Variants in RTN3 observed in about 807,000 individuals in gnomAD.
RTN3 encodes reticulon 3.
RTN3 carries 49 observed loss-of-function variants against 77.8 expected under a neutral mutation model. The observed-to-expected ratio is 0.63, with a 90% CI of 0.50 to 0.80. The LOEUF is 0.80. RTN3 is among the 30% of genes least tolerant of loss of function. RTN3 has a pLI of 0.00. For synonymous variants in RTN3, 464 were observed against 446.9 expected (o/e 1.04, Z -0.48); for missense variants, 1,236 against 1,211.9 (o/e 1.02, Z -0.29).
chr11:63,721,450 C>G (rs969116969), intron 3 of RTN3, among the ~76,000 whole-genome samples: 6 of 151,798 alleles, frequency 4.0e-5, no homozygotes, highest in Non-Finnish European at 5.9e-5. Context: ...TGGCGGGCGC[C>G]TGTAGTCCCA....
At chr11:63,702,994 C>A (rs908098609) in intron 1 of RTN3, among the ~76,000 whole-genome samples, 1 of 151,984 alleles carries the variant, frequency 6.6e-6, no homozygotes, top group African/African-American at 2.4e-5. Flanking sequence ...CTGCACTTTG[C>A]TTTTTGAGTT....
chr11:63,719,119 C>G lies in RTN3; in HGVS notation c.617C>G (p.Thr206Ser). ...GCATTGGATGCTGATGACAGATTCA[C>G]TTTGCTGACAGCCCAGAAACCACCT... The part of the protein sequence containing the change: ...KTALDADDRF[T>S]LLTAQKPPTE... Residue 206 changes from threonine (T) to serine (S), a missense_variant, in exon 3 of 9, where the codon ACT becomes AGT. Thr to Ser is a moderately conservative substitution (Grantham distance 58). This residue lies in a region of RTN3 where 1,056 missense variants were observed against 990.4 expected (regional missense o/e 1.07). Transcript: ENST00000377819. The G allele has an allele frequency of 6.2e-7, 1 of 1,614,190 alleles. No homozygotes were observed. The highest frequency in any genetic ancestry group is 8.5e-7 in the Non-Finnish European group (1 of 1,180,042).
At chr11:63,696,143 T>A (rs693205) in intron 1 of RTN3, among the ~76,000 whole-genome samples, 1 of 149,522 alleles carries the variant, frequency 6.7e-6, no homozygotes, top group Admixed American at 6.7e-5. Flanking sequence ...AGGCCGGGCC[T>A]GGTGGCTCAT....
rs552476256 is a variant in RTN3, at chr11:63,720,345, G to A, written c.1843G>A (p.Val615Met). ...TGAGAACCCCAAACTTCCTTCAACA[G>A]TGTCTCCAAATGTTTTTAATGAGAC... ...TTENPKLPST[V>M]SPNVFNETEF... The change falls in exon 3 of 9, where the codon GTG (valine) becomes ATG (methionine). Residue 615 changes from valine (V) to methionine (M), a missense_variant. Val to Met is a conservative substitution (Grantham distance 21). Around this residue, in one of 3 missense-constraint regions of RTN3, gnomAD observed 1,056 missense variants for 990.4 expected, o/e 1.07. Transcript: ENST00000377819. The A allele has an allele frequency of 1.9e-6, 3 of 1,614,054 alleles. No homozygotes were observed. In the South Asian group the frequency reaches 3.3e-5, roughly 18 times the overall value.
chr11:63,727,433 CTTGTA>C (rs1205933726), intron 3 of RTN3, among the ~76,000 whole-genome samples: 1 of 152,064 alleles, frequency 6.6e-6, no homozygotes, highest in Non-Finnish European at 1.5e-5. Context: ...GGGAAATATT[CTTGTA>C]TTGAATAAAA....
chr11:63,727,705 G>C (rs992333103), intron 3 of RTN3, among the ~76,000 whole-genome samples: 3 of 152,092 alleles, frequency 2.0e-5, no homozygotes, highest in African/African-American at 7.2e-5. Flanking sequence ...AGTGGCTCAC[G>C]TCTGTAATCC....
chr11:63,737,040 T>C (rs2013171567), intron 3 of RTN3, among the ~76,000 whole-genome samples: 1 of 150,620 alleles, frequency 6.6e-6, no homozygotes, highest in African/African-American at 2.4e-5. Context: ...AGTTTTGCAA[T>C]CCTAGCTCAC....
intron 1 of RTN3, among the ~76,000 whole-genome samples, chr11:63,692,006 A>G (rs1308026255): frequency 6.6e-6 from 1 of 151,678 alleles, no homozygotes; most frequent in Non-Finnish European, 1.5e-5. Context: ...TCTGGCCTCA[A>G]CCTCCCCCTT....
chr11:63,744,381 C>T (rs1030090103), intron 3 of RTN3, among the ~76,000 whole-genome samples: 2 of 150,906 alleles, frequency 1.3e-5, no homozygotes, highest in Non-Finnish European at 2.9e-5. Context: ...TAGGTGATTT[C>T]ATCATTGGGC....
intron 2 of RTN3, among the ~76,000 whole-genome samples, chr11:63,718,127 T>C (rs1326870037): frequency 6.6e-6 from 1 of 152,064 alleles, no homozygotes; most frequent in African/African-American, 2.4e-5. Flanking sequence ...GTGGATAGAA[T>C]AGAATAATTC....
At chr11:63,716,596 C>T (rs1401305882) in intron 2 of RTN3, among the ~76,000 whole-genome samples, 1 of 152,158 alleles carries the variant, frequency 6.6e-6, no homozygotes, top group Non-Finnish European at 1.5e-5. Flanking sequence ...TTCAGGAGGC[C>T]GAGGTGGGCA....
Position 63,753,655 on chromosome 11 carries a change from C to G in RTN3, c.2948-7C>G. ...CACTTGCCATGTCCCATGATTCTGTCTTACAGCTGAACTGCTCATTTTCAG... is the reference window on the plus strand; with the variant it reads ...CACTTGCCATGTCCCATGATTCTGTGTTACAGCTGAACTGCTCATTTTCAG... On this transcript the variant is annotated splice_region_variant and splice_polypyrimidine_tract_variant and intron_variant, in intron 6 of 8. Transcript: ENST00000377819. 6.2e-7 allele frequency: 1 copy of G among 1,612,946 alleles called. No individual in the cohort carries two copies. The highest frequency in any genetic ancestry group is 8.5e-7 in the Non-Finnish European group (1 of 1,179,054).
chr11:63,726,547 A>G (rs1334772934), intron 3 of RTN3, among the ~76,000 whole-genome samples: 8 of 152,174 alleles, frequency 5.3e-5, no homozygotes, highest in Admixed American at 3.9e-4. Context: ...AAAAGATTAT[A>G]AGCAGCACAA....
Position 63,718,954 on chromosome 11 carries a change from T to A in RTN3, c.452T>A (p.Val151Asp), listed in dbSNP as rs758563678. ...TCTTCAGTTTCTCTTGCAGCAGGAG[T>A]TCATTGTGACCGTCCTTCTATTCCA... ...SDSSVSLAAG[V>D]HCDRPSIPAS... Residue 151 changes from valine (V) to aspartate (D), a missense_variant, in exon 3 of 9, where the codon GTT becomes GAT. Coordinates refer to ENST00000377819, the MANE Select transcript of RTN3 (RefSeq NM_001265589.2). 6.2e-7 allele frequency: 1 copy of A among 1,613,894 alleles called. No individual in the cohort carries two copies. The highest frequency in any genetic ancestry group is 1.1e-5 in the South Asian group (1 of 91,050).
At position 63,681,666 on chromosome 11, in the gene RTN3, C is replaced by T. The variant is rs11551949; in HGVS notation, c.30C>T (p.Ser10=). Residue 10 remains serine, a synonymous_variant, in exon 1 of 9, where the codon TCC becomes TCT. Coordinates refer to ENST00000377819, the MANE Select transcript of RTN3 (RefSeq NM_001265589.2). The part of the protein sequence containing the change: MAEPSAATQ[S]HSISSSSFGA... ...CGGAGCCGTCGGCGGCCACTCAGTC[C>T]CATTCCATCTCCTCGTCGTCCTTCG... 15,355 of 1,611,502 alleles carry T rather than the reference C, an allele frequency of 9.5e-3. 101 individuals are homozygous for T. The highest frequency in any genetic ancestry group is 0.011 in the Non-Finnish European group (13,141 of 1,178,628).
Position 63,720,728 on chromosome 11 carries a change from G to A in RTN3, c.2226G>A (p.Gln742=). ...CATCTCTTGACTTAGAACAAGAACAGCTCACAATTAAGGCTCTTAAAGAAT... is the reference window on the plus strand; with the variant it reads ...CATCTCTTGACTTAGAACAAGAACAACTCACAATTAAGGCTCTTAAAGAAT... ...PVASLDLEQE[Q]LTIKALKELG... is the part of the protein sequence containing the mutation. The change falls in exon 3 of 9, where the codon CAG becomes CAA. Residue 742 remains glutamine (Q), a synonymous_variant. Transcript: ENST00000377819. The A allele has an allele frequency of 6.2e-7, 1 of 1,614,140 alleles. No homozygotes were observed. Among genetic ancestry groups the A allele is most frequent in the South Asian group, 1.1e-5 (1 of 91,076 alleles).
rs146919838 is a variant in RTN3, at chr11:63,744,020, G to A, written c.2531-5971G>A. The stretch of plus-strand genomic sequence containing the variant: ...GTGCTTTGGGAGGCCGAGGCAGGCA[G>A]ATCACGAGGTCAGGAGTTCGAGACC... On this transcript the variant is annotated intron_variant, in intron 3 of 8. Transcript: ENST00000377819. Among the ~76,000 whole-genome samples, 1,043 of 151,076 alleles carry A rather than the reference G, an allele frequency of 6.9e-3. 7 individuals carry two copies. The highest frequency in any genetic ancestry group is 0.011 in the Non-Finnish European group (740 of 67,802).
intron 3 of RTN3, among the ~76,000 whole-genome samples, chr11:63,733,770 A>T (rs2134977879): frequency 6.6e-6 from 1 of 151,796 alleles, no homozygotes; most frequent in East Asian, 1.9e-4. Context: ...GTGTGTCTGT[A>T]GTCCCAGCTA....
intron 1 of RTN3, among the ~76,000 whole-genome samples, chr11:63,693,915 A>T (rs1432169321): frequency 6.6e-6 from 1 of 152,194 alleles, no homozygotes; most frequent in African/African-American, 2.4e-5. Flanking sequence ...TGAGCCCAGG[A>T]GTTTGAAACC....
Sources: gnomAD v4.1 joint callset for allele counts (sites outside exome capture counted in the v4.1 genomes callset) on GRCh38, gnomAD v4.1.1 for gene constraint, gnomAD v4.1.1 regional missense constraint, MANE v1.5 for transcripts, NCBI Gene and HGNC (gene_info 2026-07-23, HGNC 2026-07-21) for gene names.